The following DIAPH2 variants were observed in gnomAD, a reference collection of about 807,000 sequenced individuals.
DIAPH2 encodes the protein diaphanous related formin 2.
Under a neutral mutation model 92.7 loss-of-function variants are expected in DIAPH2, and 35 were observed. The observed-to-expected ratio is 0.38, with a 90% CI of 0.29 to 0.50. The LOEUF is 0.50. DIAPH2 is among the 20% of genes least tolerant of loss of function. DIAPH2 has a pLI of 0.94. For missense variants in DIAPH2, 701 were observed against 819.5 expected, an observed-to-expected ratio of 0.86 and a Z score of 1.77; for synonymous variants, 301 against 280.4, an observed-to-expected ratio of 1.07 and a Z score of -0.73.
chrX:97,259,185 C>T (rs1441641959), intron 23 of DIAPH2, among the ~76,000 whole-genome samples: 1 of 108,380 alleles, frequency 9.2e-6, no homozygotes, highest in Non-Finnish European at 1.9e-5. Flanking sequence ...CATGAGTAGT[C>T]CCTTGAGTAG....
chrX:97,417,997 G>A (rs1338783554), intron 25 of DIAPH2, among the ~76,000 whole-genome samples: 1 of 111,755 alleles, frequency 8.9e-6, no homozygotes, highest in Non-Finnish European at 1.9e-5. Flanking sequence ...CACTGAGATG[G>A]TGGCTAACTG....
intron 9 of DIAPH2, among the ~76,000 whole-genome samples, chrX:96,923,954 A>T (rs1334474289): frequency 8.9e-6 from 1 of 111,997 alleles, no homozygotes; most frequent in African/African-American, 3.2e-5. Context: ...ATGTGAAACA[A>T]GATGTTGATA....
At chrX:97,550,109 A>C (rs989674442) in intron 26 of DIAPH2, among the ~76,000 whole-genome samples, 3 of 112,692 alleles carry the variant, frequency 2.7e-5, no homozygotes, top group Non-Finnish European at 5.6e-5. Context: ...CTGTAATCCC[A>C]ACACTTTGGG....
intron 1 of DIAPH2, among the ~76,000 whole-genome samples, chrX:96,732,531 A>G (rs1228877037): frequency 8.9e-6 from 1 of 112,185 alleles, no homozygotes; most frequent in African/African-American, 3.2e-5. Context: ...TATACAGGAT[A>G]TCCACTCTAG....
At chrX:97,235,464 C>T (rs948789128) in intron 22 of DIAPH2, among the ~76,000 whole-genome samples, 2 of 109,534 alleles carry the variant, frequency 1.8e-5, no homozygotes, top group African/African-American at 3.3e-5. Flanking sequence ...ATTAGCCAGG[C>T]GTGGTGGCAC....
At chrX:96,966,917 C>T (rs956335037) in intron 17 of DIAPH2, among the ~76,000 whole-genome samples, 2 of 111,988 alleles carry the variant, frequency 1.8e-5, no homozygotes, top group Non-Finnish European at 3.8e-5. Flanking sequence ...TCTTTGCCCA[C>T]CTCAGAGGTG....
Position 97,439,647 on chromosome X carries a change from TG to T in DIAPH2, c.3241+9903del, listed in dbSNP as rs2070232725. 2.8e-5 allele frequency among the ~76,000 whole-genome samples: 3 copies of T among 107,446 alleles called. No homozygotes were observed. The South Asian group carries it at 1.3e-3, about 45-fold the overall frequency. The allele number at this position is 107,446 out of a possible 115,157, so 93.3% of individuals were successfully genotyped here. On this transcript the variant is annotated intron_variant, in intron 26 of 26. Coordinates refer to ENST00000324765, the MANE Select transcript of DIAPH2 (RefSeq NM_006729.5). ...CTGTAGTCCGAGCTACTCAGGAGGC[TG>T]TGGTGGGAGAATCACTTGAGTCCAG...
intron 22 of DIAPH2, among the ~76,000 whole-genome samples, chrX:97,142,756 G>A (rs947113124): frequency 3.6e-5 from 4 of 111,980 alleles, no homozygotes; most frequent in Non-Finnish European, 7.5e-5. Context: ...TTAGATAAGA[G>A]AAGTACACCA....
chrX:97,118,225 A>T (rs1403007982), intron 21 of DIAPH2, among the ~76,000 whole-genome samples: 4 of 112,005 alleles, frequency 3.6e-5, no homozygotes, highest in Non-Finnish European at 7.5e-5. Context: ...TTGAGAATTC[A>T]GGTAGCAGGA....
intron 19 of DIAPH2, among the ~76,000 whole-genome samples, chrX:97,090,414 G>A (rs1431532635): frequency 2.0e-5 from 2 of 99,277 alleles, no homozygotes; most frequent in African/African-American, 7.4e-5. Context: ...CGCCACGCCC[G>A]GGCCTAATGC....
At chrX:97,235,729 C>A (rs182828483) in intron 22 of DIAPH2, among the ~76,000 whole-genome samples, 10 of 110,440 alleles carry the variant, frequency 9.1e-5, no homozygotes, top group African/African-American at 3.0e-4. Context: ...ACCCTACCTA[C>A]CTCTCAAACT....
intron 17 of DIAPH2, among the ~76,000 whole-genome samples, chrX:97,046,319 C>G (rs886132448): frequency 9.0e-6 from 1 of 110,846 alleles, no homozygotes; most frequent in African/African-American, 3.3e-5. Flanking sequence ...AGTGGAAGAA[C>G]TTACCTTTGA....
intron 24 of DIAPH2, among the ~76,000 whole-genome samples, chrX:97,357,475 C>T (rs966160236): frequency 2.8e-5 from 3 of 106,764 alleles, no homozygotes; most frequent in African/African-American, 1.0e-4. Flanking sequence ...CTCCCCCCTC[C>T]TTCCAGTTGC....
At chrX:96,798,109 G>A (rs2064554438) in intron 4 of DIAPH2, among the ~76,000 whole-genome samples, 1 of 112,324 alleles carries the variant, frequency 8.9e-6, no homozygotes, top group African/African-American at 3.2e-5. Flanking sequence ...GGAGCCGACT[G>A]TATCTCGTTT....
In DIAPH2 at chrX:97,601,244, G is replaced by C. The variant is rs184483297; in HGVS notation, c.*1927G>C. On this transcript the variant is annotated 3_prime_UTR_variant, in exon 27 of 27. Transcript: ENST00000324765. ...GTCTGTAGGAGAATGATCTTGAAAT[G>C]TTAACCCTGACTAAAATTTGGGAGC... 7.6e-4 allele frequency: 85 copies of C among 111,804 alleles called. No individual in the cohort carries two copies. Among genetic ancestry groups the C allele is most frequent in the Admixed American group, 4.2e-3 (44 of 10,481 alleles). The allele number at this position is 111,804 out of a possible 1,213,427, so 9.2% of individuals were successfully genotyped here. A position where few individuals can be genotyped will look rare whatever the true frequency, so the allele number is the denominator to read the frequency against.
At chrX:97,356,508 C>G (rs1249978006) in intron 24 of DIAPH2, among the ~76,000 whole-genome samples, 2 of 111,705 alleles carry the variant, frequency 1.8e-5, no homozygotes, top group Non-Finnish European at 3.8e-5. Context: ...TATATGGTAA[C>G]TCTATTAAGC....
At chrX:97,371,492 A>G (rs1380157355) in intron 24 of DIAPH2, among the ~76,000 whole-genome samples, 1 of 111,618 alleles carries the variant, frequency 9.0e-6, no homozygotes, top group Non-Finnish European at 1.9e-5. Flanking sequence ...GACAGCTTTT[A>G]GCGAGGCATA....
At chrX:97,102,515 G>T (rs1319224778) in intron 20 of DIAPH2, among the ~76,000 whole-genome samples, 1 of 112,201 alleles carries the variant, frequency 8.9e-6, no homozygotes, top group Non-Finnish European at 1.9e-5. Context: ...GTTGCTATTA[G>T]TATGGATAGA....
chrX:97,408,765 T>C (rs1353432434), intron 25 of DIAPH2, among the ~76,000 whole-genome samples: 1 of 111,909 alleles, frequency 8.9e-6, no homozygotes, highest in African/African-American at 3.2e-5. Context: ...ATTTTTTCTT[T>C]TGCTATTTTT....
Sources: gnomAD v4.1 joint callset for allele counts (sites outside exome capture counted in the v4.1 genomes callset) on GRCh38, gnomAD v4.1.1 for gene constraint, MANE v1.5 for transcripts, NCBI Gene and HGNC (gene_info 2026-07-23, HGNC 2026-07-21) for gene names.